Variants in GPR35 observed in about 807,000 individuals in gnomAD.
The protein encoded by GPR35 is KYNA receptor.
For synonymous variants in GPR35, 207 were observed against 198.4 expected (o/e 1.04, Z -0.36); for missense variants, 372 against 422.5 (o/e 0.88, Z 1.05).
chr2:240,612,798 G>A (rs991559135), intron 2 of GPR35, among the ~76,000 whole-genome samples: 3 of 152,254 alleles, frequency 2.0e-5, no homozygotes, highest in African/African-American at 7.2e-5. Flanking sequence ...GGAAGGGCAG[G>A]TCTGGGGAGG....
chr2:240,631,670 C>T lies in GPR35; in HGVS notation c.*788C>T, dbSNP rs1171636621. On this transcript the variant is annotated 3_prime_UTR_variant, in exon 2 of 2. Coordinates refer to ENST00000407714, the MANE Select transcript of GPR35 (RefSeq NM_005301.5). ...GGGAAAGGCTGGAAACCATGTCTGG[C>T]AGGGGCAGGGGTTGGGTGCCCACTC... is the stretch of plus-strand genomic sequence containing the variant. 1.3e-5 allele frequency among the ~76,000 whole-genome samples: 2 copies of T among 152,174 alleles called. No individual in the cohort carries two copies. Among genetic ancestry groups the T allele is most frequent in the Non-Finnish European group, 2.9e-5 (2 of 68,028 alleles).
upstream of GPR35, chr2:240,625,206 G>T (rs570211709): frequency 5.4e-6 from 5 of 930,198 alleles, no homozygotes; most frequent in East Asian, 4.7e-4. Context: ...CGGGGCTGGA[G>T]CGTCTCTGGT....
chr2:240,609,650 A>T (rs1336285890), intron 2 of GPR35, among the ~76,000 whole-genome samples: 2 of 152,178 alleles, frequency 1.3e-5, no homozygotes, highest in African/African-American at 2.4e-5. Flanking sequence ...ACTATTTTGG[A>T]AAATGTTCAA....
chr2:240,612,104 C>T (rs2043187229), intron 2 of GPR35, among the ~76,000 whole-genome samples: 1 of 151,936 alleles, frequency 6.6e-6, no homozygotes, highest in Admixed American at 6.6e-5. Context: ...AGTTCTGTTC[C>T]TTCACTTTCA....
chr2:240,623,151 C>T (rs971959906), upstream of GPR35, among the ~76,000 whole-genome samples: 9 of 152,202 alleles, frequency 5.9e-5, no homozygotes, highest in East Asian at 1.9e-4. Context: ...GAGCGGTCGT[C>T]GAGCTTCACA....
upstream of GPR35, among the ~76,000 whole-genome samples, chr2:240,621,683 C>T (rs927948047): frequency 6.6e-6 from 1 of 151,642 alleles, no homozygotes; most frequent in Non-Finnish European, 1.5e-5. Flanking sequence ...GGGTCTCACT[C>T]AGGAAGGAAG....
At chr2:240,620,139 C>T (rs1394436333) in intron 5 of GPR35, among the ~76,000 whole-genome samples, 1 of 152,146 alleles carries the variant, frequency 6.6e-6, no homozygotes, top group African/African-American at 2.4e-5. Flanking sequence ...AAGGCCCACC[C>T]CGAGGCCAGG....
chr2:240,625,582 A>C lies in GPR35; in HGVS notation c.-5+14A>C. The C allele has an allele frequency of 1.0e-6, 1 of 980,766 alleles. No homozygotes were observed. The highest frequency in any genetic ancestry group is 1.2e-6 in the Non-Finnish European group (1 of 827,304). The allele number at this position is 980,766 out of a possible 1,614,324, so 60.8% of individuals were successfully genotyped here. A position where few individuals can be genotyped will look rare whatever the true frequency, so the allele number is the denominator to read the frequency against. On this transcript the variant is annotated intron_variant, in intron 1 of 1. Transcript: ENST00000407714. Reference sequence around the variant, plus strand: ...AGCTGCCTGCAGGTCAGTGCCGCCCACTGCCCTAGGGGCCTCCCAGCGGGG... The same window carrying C: ...AGCTGCCTGCAGGTCAGTGCCGCCCCCTGCCCTAGGGGCCTCCCAGCGGGG...
In GPR35 at chr2:240,627,628, C is replaced by CTTTTTTTTTTTTTTTTTT. The variant is rs60197961; in HGVS notation, c.-5+2070_-5+2087dup. 1.1e-4 allele frequency: 8 copies of CTTTTTTTTTTTTTTTTTT among 69,656 alleles called. 1 individual carries two copies. The highest frequency in any genetic ancestry group is 1.7e-4 in the Non-Finnish European group (7 of 40,468). The allele number at this position is 69,656 out of a possible 1,614,324, so 4.3% of individuals were successfully genotyped here. A position where few individuals can be genotyped will look rare whatever the true frequency, so the allele number is the denominator to read the frequency against. Reference sequence around the variant, plus strand: ...ATCACCAGCCCAGCTAATTTTCTGTCTTTTTTTTTTTTTTTTTTTTTTTTT... The same window carrying CTTTTTTTTTTTTTTTTTT: ...ATCACCAGCCCAGCTAATTTTCTGTCTTTTTTTTTTTTTTTTTTTTTTTTTTTTTTTTTTTTTTTTTTT... On this transcript the variant is annotated intron_variant, in intron 1 of 1. Transcript: ENST00000407714.
Position 240,616,951 on chromosome 2 carries a change from A to G in GPR35, c.-452-139A>G, listed in dbSNP as rs762149679. 20 of 774,232 alleles carry G rather than the reference A, an allele frequency of 2.6e-5. No homozygotes were observed. The East Asian group carries it at 3.4e-4, about 13-fold the overall frequency. 48.0% of individuals were successfully genotyped at this position (774,232 alleles called of 1,614,324 possible). ...TTTGGGGTCCTCAGGCCAGCTGCCC[A>G]TTGGGAATGAAACTCTACCAACAGC... On this transcript the variant is annotated intron_variant, in intron 3 of 5. Transcript: ENST00000319838.
rs200996949 is a variant in GPR35, at chr2:240,630,293, G to A, written c.341G>A (p.Arg114His). ...CTGGTCACGGCCATCGCCGTGGACC[G>A]CTATGTGGCCGTGCGGCACCCGCTG... is the stretch of plus-strand genomic sequence containing the variant. ...ISLVTAIAVD[R>H]YVAVRHPLRA... is the part of the protein sequence containing the mutation. The change falls in exon 2 of 2, where the codon CGC becomes CAC. Residue 114 changes from arginine (R) to histidine (H), a missense_variant. Physicochemically the swap from Arg to His is conservative, Grantham distance 29. Coordinates refer to ENST00000407714, the MANE Select transcript of GPR35 (RefSeq NM_005301.5). 15 of 1,571,632 alleles carry A rather than the reference G, an allele frequency of 9.5e-6. No homozygotes were observed. The highest frequency in any genetic ancestry group is 5.2e-5 in the Admixed American group (3 of 58,218).
chr2:240,611,201 C>A (rs1476400309), intron 2 of GPR35, among the ~76,000 whole-genome samples: 1 of 152,030 alleles, frequency 6.6e-6, no homozygotes, highest in Non-Finnish European at 1.5e-5. Flanking sequence ...CTCCTGACCC[C>A]AAATGATCCA....
chr2:240,618,185 C>G (rs1037341407), intron 4 of GPR35, among the ~76,000 whole-genome samples: 30 of 152,194 alleles, frequency 2.0e-4, no homozygotes, highest in Admixed American at 2.0e-3. Context: ...CTTTCTCCCA[C>G]ACCAAAAATC....
rs945288738 is a variant in GPR35 at position 240,616,606 on chromosome 2, C to T, written c.-453+95C>T. ...ATATCTGGTGGTCTCTTTGTGAGGC[C>T]AGCAGCCACCAATGATCACGAATGT... On this transcript the variant is annotated intron_variant, in intron 3 of 5. Coordinates refer to the GPR35 transcript ENST00000319838. 4 of 696,334 alleles carry T rather than the reference C, an allele frequency of 5.7e-6. No individual in the cohort carries two copies. The African/African-American group carries it at 7.0e-5, about 12-fold the overall frequency. The allele number at this position is 696,334 out of a possible 1,614,324, so 43.1% of individuals were successfully genotyped here.
intron 3 of GPR35, chr2:240,616,593 C>T: frequency 1.4e-6 from 1 of 718,316 alleles, no homozygotes; most frequent in South Asian, 1.5e-5. Context: ...ATCTGGTGGT[C>T]TCTTTGTGAG....
chr2:240,607,940 G>A (rs1398590891), intron 2 of GPR35, among the ~76,000 whole-genome samples: 1 of 151,874 alleles, frequency 6.6e-6, no homozygotes, highest in Non-Finnish European at 1.5e-5. Context: ...TGCCCAGGCT[G>A]GAGTACAGTG....
chr2:240,611,989 T>C (rs1331847320), intron 2 of GPR35, among the ~76,000 whole-genome samples: 1 of 151,838 alleles, frequency 6.6e-6, no homozygotes, highest in Non-Finnish European at 1.5e-5. Flanking sequence ...CAAGGAAGCG[T>C]GTGTCATGGA....
At chr2:240,627,933 TCCTC>T (rs2043397088) in intron 1 of GPR35, 1 of 151,846 alleles carries the variant, frequency 6.6e-6, no homozygotes, top group African/African-American at 2.4e-5. Flanking sequence ...AGCCCTCGGG[TCCTC>T]ACCTCCCACG....
At chr2:240,616,333 C>G (rs571052444) in intron 2 of GPR35, 1 of 729,064 alleles carries the variant, frequency 1.4e-6, no homozygotes, top group South Asian at 1.4e-5. Context: ...GGCCGACATA[C>G]CTGTTGGGTT....
Sources: allele counts gnomAD v4.1 joint callset (sites outside exome capture counted in the v4.1 genomes callset), GRCh38; gene constraint gnomAD v4.1.1; transcripts MANE v1.5; gene names NCBI Gene and HGNC (gene_info 2026-07-23, HGNC 2026-07-21).